Variants in DUSP16 observed in about 807,000 individuals in gnomAD.
DUSP16 encodes dual specificity phosphatase 16, also known as dual specificity protein phosphatase 16.
Under a neutral mutation model 58.3 loss-of-function variants are expected in DUSP16, and 21 were observed. The ratio of observed to expected loss-of-function variants is 0.36; its 90% CI spans 0.26 to 0.52. The LOEUF (loss-of-function observed/expected upper bound fraction) is 0.52, where lower values mean the gene tolerates loss of function less well. Ranked by LOEUF, DUSP16 falls within the 20% of genes least tolerant of loss-of-function variation. The probability of loss-of-function intolerance (pLI) is 0.94; values close to 1 mark genes in which losing one functional copy is unlikely to be tolerated. For synonymous variants in DUSP16, 320 were observed against 323.8 expected, an observed-to-expected ratio of 0.99 and a Z score of 0.12; for missense variants, 726 against 819.0, an observed-to-expected ratio of 0.89 and a Z score of 1.39.
intron 3 of DUSP16, among the ~76,000 whole-genome samples, chr12:12,512,680 T>C (rs1376810530): frequency 1.3e-5 from 2 of 152,164 alleles, no homozygotes; most frequent in African/African-American, 4.8e-5. Flanking sequence ...AATATTCCAT[T>C]GTGTGTGTAT....
intron 3 of DUSP16, among the ~76,000 whole-genome samples, chr12:12,512,254 G>A (rs1160577123): frequency 2.0e-5 from 3 of 152,122 alleles, no homozygotes; most frequent in Non-Finnish European, 4.4e-5. Flanking sequence ...TCTGTTTAAG[G>A]TGTACAGCAT....
chr12:12,484,432 A>C, intron 5 of DUSP16, among the ~76,000 whole-genome samples: 1 of 152,152 alleles, frequency 6.6e-6, no homozygotes. Context: ...AGTTGGGAGC[A>C]AAGTTATTCA....
At chr12:12,495,947 T>C (rs999732920) in intron 4 of DUSP16, among the ~76,000 whole-genome samples, 4 of 152,236 alleles carry the variant, frequency 2.6e-5, no homozygotes, top group African/African-American at 9.6e-5. Flanking sequence ...GCTTGGCATA[T>C]GCCATTTCAT....
intron 3 of DUSP16, among the ~76,000 whole-genome samples, chr12:12,510,065 G>A (rs1944052669): frequency 3.3e-5 from 5 of 152,132 alleles, no homozygotes; most frequent in Non-Finnish European, 7.4e-5. Flanking sequence ...ACATAAAAGG[G>A]AAAGAAAATT....
rs370320259 is a variant in DUSP16 at position 12,500,722 on chromosome 12, C to T, written c.368-40G>A. On this transcript the variant is annotated intron_variant, in intron 3 of 6. Coordinates refer to ENST00000298573, the MANE Select transcript of DUSP16 (RefSeq NM_030640.3). ...TATAAAATTATAAAAAATTATGCCACGCACAAAATAAAAACCAGCTTTCTG... is the reference window on the plus strand; with the variant it reads ...TATAAAATTATAAAAAATTATGCCATGCACAAAATAAAAACCAGCTTTCTG... 9 of 1,472,550 alleles carry T rather than the reference C, an allele frequency of 6.1e-6. No individual in the cohort carries two copies. In the African/African-American group the frequency reaches 8.7e-5, roughly 14 times the overall value. 91.2% of individuals were successfully genotyped at this position (1,472,550 alleles called of 1,614,324 possible).
chr12:12,532,752 T>G (rs1454929559), intron 1 of DUSP16, among the ~76,000 whole-genome samples: 1 of 151,964 alleles, frequency 6.6e-6, no homozygotes, highest in East Asian at 1.9e-4. Context: ...ATTCGAGAAC[T>G]ACTTGGCCAA....
At chr12:12,537,582 G>A (rs1228759537) in intron 1 of DUSP16, among the ~76,000 whole-genome samples, 3 of 152,148 alleles carry the variant, frequency 2.0e-5, no homozygotes, top group Admixed American at 6.5e-5. Flanking sequence ...GAAACTCAAT[G>A]GCTAAATGCC....
At chr12:12,482,824 C>T (rs1438403771) in intron 5 of DUSP16, among the ~76,000 whole-genome samples, 1 of 152,198 alleles carries the variant, frequency 6.6e-6, no homozygotes, top group Non-Finnish European at 1.5e-5. Flanking sequence ...AAGCGATCCT[C>T]CTGCCTCAGC....
In DUSP16 at chr12:12,477,941, T is replaced by TGGC; in HGVS notation, c.889_890insGCC (p.Lys297delinsSerGln). 1 of 1,614,200 alleles carries TGGC rather than the reference T, an allele frequency of 6.2e-7. No homozygotes were observed. Among genetic ancestry groups the TGGC allele is most frequent in the Non-Finnish European group, 8.5e-7 (1 of 1,180,020 alleles). On this transcript the variant is annotated protein_altering_variant, in exon 7 of 7. Coordinates refer to ENST00000298573, the MANE Select transcript of DUSP16 (RefSeq NM_030640.3). This position sits in a 1 kb window ranked among gnomAD's most constrained non-coding sequence, Gnocchi z 4.1. ...TGATGCTCCAGTCTGGTTCTTAATC[T>TGGC]TCTTCTCATAGTCCAGGAGTTGGCC... is the stretch of plus-strand genomic sequence containing the variant.
At chr12:12,543,455 A>G (rs925804233) in intron 1 of DUSP16, among the ~76,000 whole-genome samples, 4 of 152,208 alleles carry the variant, frequency 2.6e-5, no homozygotes, top group Admixed American at 2.0e-4. Flanking sequence ...TTATTTTCAA[A>G]CAAAAAGATA....
rs1201528213 is a variant in DUSP16 at position 12,562,301 on chromosome 12, TCTC to T, written c.-553_-551del. The T allele has an allele frequency of 4.2e-5, 6 of 141,746 alleles. No individual in the cohort carries two copies. Among genetic ancestry groups the T allele is most frequent in the African/African-American group, 1.5e-4 (6 of 39,296 alleles). The allele number at this position is 141,746 out of a possible 1,614,324, so 8.8% of individuals were successfully genotyped here. Reference sequence around the variant, plus strand: ...TCCTCTTCTTTTCAGTATATTATCTTCTCCTTCTCTGAGGGGTGGGTTGGGGCG... The same window carrying T: ...TCCTCTTCTTTTCAGTATATTATCTTCTTCTCTGAGGGGTGGGTTGGGGCG... On this transcript the variant is annotated 5_prime_UTR_variant, in exon 1 of 7. Coordinates refer to ENST00000298573, the MANE Select transcript of DUSP16 (RefSeq NM_030640.3).
intron 1 of DUSP16, among the ~76,000 whole-genome samples, chr12:12,559,909 T>C (rs113308918): frequency 0.019 from 2,847 of 152,238 alleles, 83 homozygotes; most frequent in African/African-American, 0.065. Flanking sequence ...ACAAATAATT[T>C]TTAAACGTGT....
intron 1 of DUSP16, chr12:12,554,756 TA>T (rs374913442): frequency 2.6e-4 from 40 of 152,304 alleles, no homozygotes; most frequent in African/African-American, 9.1e-4. Context: ...TTGTAACTAT[TA>T]AATATCACCT....
At chr12:12,548,847 G>A (rs75623801) in intron 1 of DUSP16, among the ~76,000 whole-genome samples, 1,775 of 151,986 alleles carry the variant, frequency 0.012, 39 homozygotes, top group African/African-American at 0.04. Context: ...GTCTGCAATC[G>A]TGGAGAAAAG....
chr12:12,533,678 A>G (rs1244281421), intron 1 of DUSP16, among the ~76,000 whole-genome samples: 1 of 152,216 alleles, frequency 6.6e-6, no homozygotes, highest in Non-Finnish European at 1.5e-5. Context: ...CATGAGGGCA[A>G]AACTAACCCT....
chr12:12,518,484 G>C (rs1284031684), intron 3 of DUSP16, among the ~76,000 whole-genome samples: 1 of 151,244 alleles, frequency 6.6e-6, no homozygotes, highest in Non-Finnish European at 1.5e-5. Context: ...CCGCACTCTA[G>C]CCTGGGCGAC....
intron 3 of DUSP16, among the ~76,000 whole-genome samples, chr12:12,514,594 G>A (rs753504953): frequency 3.3e-5 from 5 of 152,052 alleles, no homozygotes; most frequent in African/African-American, 1.2e-4. Flanking sequence ...ACATCTGCAG[G>A]AGAAAAAACA....
intron 3 of DUSP16, among the ~76,000 whole-genome samples, chr12:12,505,651 C>T (rs934831169): frequency 1.3e-5 from 2 of 152,156 alleles, no homozygotes; most frequent in Admixed American, 1.3e-4. Flanking sequence ...CCAGTTCTAT[C>T]GTTAATTGGT....
At position 12,474,007 on chromosome 12, in the gene DUSP16, A is replaced by C. The variant is rs1233487570; in HGVS notation, c.*2826T>G. Among the ~76,000 whole-genome samples the C allele has an allele frequency of 6.6e-6, 1 of 152,264 alleles. No individual in the cohort carries two copies. The highest frequency in any genetic ancestry group is 1.5e-5 in the Non-Finnish European group (1 of 68,050). On this transcript the variant is annotated 3_prime_UTR_variant, in exon 7 of 7. Transcript: ENST00000298573. ...AGTGTGCATTTAACGTACACAGTAA[A>C]GAATGAAGGCTGGCACTAAACTGTT...
Sources: allele counts gnomAD v4.1 joint callset (sites outside exome capture counted in the v4.1 genomes callset), GRCh38; gene constraint gnomAD v4.1.1; non-coding constraint Gnocchi (gnomAD v3.1); transcripts MANE v1.5; gene names NCBI Gene and HGNC (gene_info 2026-07-23, HGNC 2026-07-21).